CACNA2D1: variants seen among roughly 807,000 people sequenced by gnomAD.
CACNA2D1 encodes the protein calcium voltage-gated channel auxiliary subunit alpha2delta 1, also known as voltage-dependent calcium channel subunit alpha-2/delta-1.
A neutral mutation model predicts 171.5 loss-of-function variants in CACNA2D1; 53 were observed. The ratio of observed to expected loss-of-function variants is 0.31; its 90% CI spans 0.25 to 0.39. The LOEUF is 0.39. Among genes scored for constraint, CACNA2D1 ranks in the 10% least tolerant of loss-of-function variants. The probability of loss-of-function intolerance (pLI) is 1.00; values close to 1 mark genes in which losing one functional copy is unlikely to be tolerated. For missense variants in CACNA2D1, 903 were observed against 1,299.8 expected, an observed-to-expected ratio of 0.69 and a Z score of 4.69; for synonymous variants, 442 against 443.1, an observed-to-expected ratio of 1.00 and a Z score of 0.03.
At chr7:82,174,904 A>G (rs38545) in intron 3 of CACNA2D1, among the ~76,000 whole-genome samples, 126,451 of 151,948 alleles carry the variant, frequency 0.83, 52,715 homozygotes, top group East Asian at 0.93. Flanking sequence ...CTCCCTTGAA[A>G]GTCTATTCAT....
At chr7:82,129,496 T>C (rs1418142203) in intron 5 of CACNA2D1, among the ~76,000 whole-genome samples, 1 of 152,210 alleles carries the variant, frequency 6.6e-6, no homozygotes, top group Admixed American at 6.5e-5. Flanking sequence ...ATTCTGAGGA[T>C]TATTGATAAA....
chr7:82,250,438 T>C (rs1214162742), intron 3 of CACNA2D1, among the ~76,000 whole-genome samples: 3 of 152,220 alleles, frequency 2.0e-5, no homozygotes, highest in African/African-American at 4.8e-5. Flanking sequence ...TAAAATCTTA[T>C]ATAATTTCCT....
At chr7:82,330,160 A>G (rs748077537) in intron 3 of CACNA2D1, among the ~76,000 whole-genome samples, 15 of 152,132 alleles carry the variant, frequency 9.9e-5, no homozygotes, top group Non-Finnish European at 1.8e-4. Context: ...TAAGGCTGGT[A>G]GATGGAGCTG....
rs542176419 is a variant in CACNA2D1, at chr7:82,048,610, T to C, written c.880-10375A>G. Among the ~76,000 whole-genome samples, 118 of 152,270 alleles carry C rather than the reference T, an allele frequency of 7.7e-4. 1 individual carries two copies. The highest frequency in any genetic ancestry group is 1.5e-3 in the Non-Finnish European group (102 of 67,984). On this transcript the variant is annotated intron_variant, in intron 10 of 38. Coordinates refer to ENST00000356860, the MANE Select transcript of CACNA2D1 (RefSeq NM_000722.4). The stretch of plus-strand genomic sequence containing the variant: ...TAGATTTTTATTCAACAATTAAGAT[T>C]GCAGTGTATGCATTTTACAAATAAG...
rs78944692 is a variant in CACNA2D1 at position 82,131,478 on chromosome 7, C to T, written c.396+5157G>A. On this transcript the variant is annotated intron_variant, in intron 5 of 38. Transcript: ENST00000356860. ...TGGGGCTCTGTCCTAATTTTGAGTA[C>T]TGCCTGATTCATGAATCATTCTTTA... 9.2e-3 allele frequency among the ~76,000 whole-genome samples: 1,402 copies of T among 152,276 alleles called. 8 individuals are homozygous for T. Among genetic ancestry groups the T allele is most frequent in the Non-Finnish European group, 0.015 (1,030 of 68,016 alleles).
intron 3 of CACNA2D1, among the ~76,000 whole-genome samples, chr7:82,172,333 C>G (rs16887209): frequency 0.064 from 9,762 of 151,790 alleles, 661 homozygotes; most frequent in African/African-American, 0.17. Context: ...AAAAATGAAG[C>G]AAAACATGAA....
At chr7:82,372,128 A>G (rs1822485592) in intron 1 of CACNA2D1, among the ~76,000 whole-genome samples, 1 of 152,192 alleles carries the variant, frequency 6.6e-6, no homozygotes, top group African/African-American at 2.4e-5. Context: ...TTAGAAAAAG[A>G]AAATGAAATT....
intron 2 of CACNA2D1, among the ~76,000 whole-genome samples, chr7:82,342,483 A>G (rs1315466852): frequency 6.6e-6 from 1 of 152,228 alleles, no homozygotes; most frequent in African/African-American, 2.4e-5. Flanking sequence ...TTTTAAAATC[A>G]GTATTTATTT....
At chr7:82,388,075 AAAC>A (rs1824627998) in intron 1 of CACNA2D1, among the ~76,000 whole-genome samples, 2 of 145,444 alleles carry the variant, frequency 1.4e-5, no homozygotes, top group African/African-American at 2.5e-5. Flanking sequence ...AAAAAAAAAA[AAAC>A]AAAAACAAAA....
chr7:82,236,368 G>C (rs552493726), intron 3 of CACNA2D1, among the ~76,000 whole-genome samples: 198 of 151,978 alleles, frequency 1.3e-3, no homozygotes, highest in Non-Finnish European at 2.3e-3. Context: ...TAAAAACAGT[G>C]GTAGTCAATA....
intron 1 of CACNA2D1, among the ~76,000 whole-genome samples, chr7:82,402,385 C>T (rs994001501): frequency 2.0e-5 from 3 of 151,924 alleles, no homozygotes; most frequent in Non-Finnish European, 4.4e-5. Context: ...AAGAGCAAGA[C>T]CAGAATGAAG....
intron 3 of CACNA2D1, among the ~76,000 whole-genome samples, chr7:82,205,882 T>C (rs940803609): frequency 6.6e-6 from 1 of 152,306 alleles, no homozygotes. Flanking sequence ...ATTATTTTTA[T>C]TACATACACC....
chr7:82,297,443 A>G (rs1234325989), intron 3 of CACNA2D1, among the ~76,000 whole-genome samples: 3 of 152,194 alleles, frequency 2.0e-5, no homozygotes, highest in African/African-American at 7.2e-5. Flanking sequence ...GTAACTTCAC[A>G]TAATTAGAAG....
At chr7:82,130,732 G>T (rs938363361) in intron 5 of CACNA2D1, among the ~76,000 whole-genome samples, 1 of 150,172 alleles carries the variant, frequency 6.7e-6, no homozygotes, top group Admixed American at 6.6e-5. Flanking sequence ...TACCCAGGAG[G>T]TATAATATTT....
At chr7:82,150,644 T>C (rs1205640909) in intron 4 of CACNA2D1, among the ~76,000 whole-genome samples, 2 of 152,120 alleles carry the variant, frequency 1.3e-5, no homozygotes, top group Non-Finnish European at 2.9e-5. Context: ...ACCTACCAAA[T>C]ACAAGCTGGC....
intron 3 of CACNA2D1, among the ~76,000 whole-genome samples, chr7:82,271,878 G>C (rs535938435): frequency 2.0e-4 from 31 of 151,666 alleles, no homozygotes; most frequent in African/African-American, 6.3e-4. Context: ...TAAATGGCTA[G>C]ACCAGGAAAG....
At position 82,005,491 on chromosome 7, in the gene CACNA2D1, G is replaced by A; in HGVS notation, c.1522C>T (p.Pro508Ser). The change falls in exon 18 of 39, where the codon CCC (proline) becomes TCC (serine). Residue 508 changes from proline (P) to serine (S), a missense_variant. Physicochemically the swap from Pro to Ser is moderately conservative, Grantham distance 74 (BLOSUM62 -1). This residue lies in a region of CACNA2D1 where 623 missense variants were observed against 925.5 expected (regional missense o/e 0.67). Transcript: ENST00000356860. ...KRLTPRFTLC[P>S]NGYYFAIDPN... ...TCGATTGCAAAGTAATACCCATTGG[G>A]GCACAGCTGGAAAAGAAAAAAAAAA... 1 of 1,584,030 alleles carries A rather than the reference G, an allele frequency of 6.3e-7. No individual in the cohort carries two copies. Among genetic ancestry groups the A allele is most frequent in the Non-Finnish European group, 8.6e-7 (1 of 1,161,962 alleles).
intron 1 of CACNA2D1, among the ~76,000 whole-genome samples, chr7:82,435,515 T>A (rs574798421): frequency 6.6e-6 from 1 of 152,240 alleles, no homozygotes; most frequent in South Asian, 2.1e-4. Flanking sequence ...CATCTCCAAT[T>A]CTTCTTCCTT....
At chr7:82,214,092 C>T (rs190683118) in intron 3 of CACNA2D1, among the ~76,000 whole-genome samples, 2 of 152,134 alleles carry the variant, frequency 1.3e-5, no homozygotes, top group East Asian at 3.9e-4. Context: ...ATCCCAGTAG[C>T]CAGGACTCTA....
Sources: allele counts gnomAD v4.1 joint callset (sites outside exome capture counted in the v4.1 genomes callset), GRCh38; gene constraint gnomAD v4.1.1; regional missense constraint gnomAD v4.1.1; transcripts MANE v1.5; gene names NCBI Gene and HGNC (gene_info 2026-07-23, HGNC 2026-07-21).